STON2: variants seen among roughly 807,000 people sequenced by gnomAD.
The protein encoded by STON2 is stonin-2.
A neutral mutation model predicts 65.7 loss-of-function variants in STON2; 29 were observed. The ratio of observed to expected loss-of-function variants is 0.44; its 90% CI spans 0.33 to 0.60. The LOEUF (loss-of-function observed/expected upper bound fraction) is 0.60. Ranked by LOEUF, STON2 falls within the 20% of genes least tolerant of loss-of-function variation. The probability of loss-of-function intolerance (pLI) is 0.03; values close to 1 mark genes in which losing one functional copy is unlikely to be tolerated. For synonymous variants in STON2, 404 were observed against 414.2 expected, an observed-to-expected ratio of 0.98 and a Z score of 0.30; for missense variants, 1,054 against 1,118.1, an observed-to-expected ratio of 0.94 and a Z score of 0.82.
intron 5 of STON2, among the ~76,000 whole-genome samples, chr14:81,312,866 C>T (rs1044962047): frequency 1.3e-5 from 2 of 152,220 alleles, no homozygotes; most frequent in African/African-American, 4.8e-5. Flanking sequence ...ATTTTGGTAG[C>T]AAATTCTTTG....
At chr14:81,411,137 G>T (rs1456214290) in intron 2 of STON2, among the ~76,000 whole-genome samples, 1 of 152,154 alleles carries the variant, frequency 6.6e-6, no homozygotes, top group African/African-American at 2.4e-5. Flanking sequence ...AAATTTTGGG[G>T]TATGTTCCCT....
rs537467294 is a variant in STON2 at position 81,400,261 on chromosome 14, T to G, written c.-199+18A>C. On this transcript the variant is annotated intron_variant, in intron 1 of 7. Coordinates refer to ENST00000614646, the MANE Select transcript of STON2 (RefSeq NM_001394390.1). ...GCAAACAGCCTGGAGAGAGCAGGTCTCCCAAACCAGATCTTACCAGAGAGC... is the reference window on the plus strand; with the variant it reads ...GCAAACAGCCTGGAGAGAGCAGGTCGCCCAAACCAGATCTTACCAGAGAGC... Among the ~76,000 whole-genome samples the G allele has an allele frequency of 6.6e-6, 1 of 152,130 alleles. No homozygotes were observed. The highest frequency in any genetic ancestry group is 1.9e-4 in the East Asian group (1 of 5,172).
chr14:81,382,144 G>A (rs1317185519), intron 3 of STON2, among the ~76,000 whole-genome samples: 8 of 152,044 alleles, frequency 5.3e-5, no homozygotes, highest in African/African-American at 7.2e-5. Context: ...GCTTGAATCC[G>A]GGAGGCGGAC....
chr14:81,421,313 A>G (rs758485576), intron 2 of STON2, among the ~76,000 whole-genome samples: 3 of 152,264 alleles, frequency 2.0e-5, no homozygotes, highest in Non-Finnish European at 4.4e-5. Flanking sequence ...AAAGTAAGAC[A>G]GGAGGCTGGA....
chr14:81,405,750 T>G (rs1057291919), intron 2 of STON2, among the ~76,000 whole-genome samples: 1 of 152,174 alleles, frequency 6.6e-6, no homozygotes, highest in Non-Finnish European at 1.5e-5. Context: ...GTCTCCCCTG[T>G]AGATCTTGAC....
At chr14:81,372,961 T>A (rs3861640) in intron 3 of STON2, among the ~76,000 whole-genome samples, 1 of 152,298 alleles carries the variant, frequency 6.6e-6, no homozygotes, top group East Asian at 1.9e-4. Flanking sequence ...TTTCTGGAGT[T>A]CTCATTGTTC....
At chr14:81,410,278 C>CA (rs1161157573) in intron 2 of STON2, among the ~76,000 whole-genome samples, 1,142 of 45,784 alleles carry the variant, frequency 0.025, 187 homozygotes, top group Non-Finnish European at 0.037. Flanking sequence ...TAACTCTAAC[C>CA]AAAAAAAAAA....
chr14:81,336,016 T>C lies in STON2; in HGVS notation c.572-11829A>G, dbSNP rs556245638. On this transcript the variant is annotated intron_variant, in intron 4 of 7. Coordinates refer to ENST00000614646, the MANE Select transcript of STON2 (RefSeq NM_001394390.1). ...CTGGTAGGGGCTACTCAGGACTGAGTAGGGGTATGGCAGAAGGTCAAGCAA... is the reference window on the plus strand; with the variant it reads ...CTGGTAGGGGCTACTCAGGACTGAGCAGGGGTATGGCAGAAGGTCAAGCAA... 2.0e-5 allele frequency among the ~76,000 whole-genome samples: 3 copies of C among 151,766 alleles called. No individual in the cohort carries two copies. In the East Asian group the frequency reaches 5.8e-4, roughly 30 times the overall value.
At chr14:81,288,276 A>G (rs1327702678) in intron 5 of STON2, among the ~76,000 whole-genome samples, 1 of 152,196 alleles carries the variant, frequency 6.6e-6, no homozygotes, top group East Asian at 1.9e-4. Context: ...TGAGAAATGC[A>G]TCAACAATGG....
rs2140092921 is a variant in STON2 at position 81,267,974 on chromosome 14, CTTAA to C, written c.*436_*439del. The C allele has an allele frequency of 1.3e-5, 13 of 986,592 alleles. No individual in the cohort carries two copies. The highest frequency in any genetic ancestry group is 1.4e-5 in the Non-Finnish European group (12 of 830,788). 61.1% of individuals were successfully genotyped at this position (986,592 alleles called of 1,614,324 possible). On this transcript the variant is annotated 3_prime_UTR_variant, in exon 8 of 8. Coordinates refer to ENST00000614646, the MANE Select transcript of STON2 (RefSeq NM_001394390.1). ...CTAGACAGAGTGAAAGAGATGGATT[CTTAA>C]TTAACTTCTCAAGACTGCCTTTGCC...
chr14:81,368,227 A>C (rs925146620), intron 4 of STON2, among the ~76,000 whole-genome samples: 7 of 152,182 alleles, frequency 4.6e-5, no homozygotes, highest in African/African-American at 1.7e-4. Flanking sequence ...GTTTCACTGA[A>C]ATTCAGGTCA....
chr14:81,331,959 C>T (rs1021268427), intron 4 of STON2, among the ~76,000 whole-genome samples: 21 of 152,190 alleles, frequency 1.4e-4, no homozygotes, highest in Admixed American at 5.9e-4. Context: ...TTTTTATTCT[C>T]AAACAAAACA....
chr14:81,434,650 C>T (rs780902177), intron 1 of STON2, among the ~76,000 whole-genome samples: 20 of 152,248 alleles, frequency 1.3e-4, no homozygotes, highest in South Asian at 8.3e-4. Context: ...TTCCCACTGA[C>T]ATCACCCTAG....
At chr14:81,369,907 A>C (rs1898909418) in intron 4 of STON2, among the ~76,000 whole-genome samples, 2 of 152,200 alleles carry the variant, frequency 1.3e-5, no homozygotes, top group Non-Finnish European at 1.5e-5. Context: ...CTGTGGGGGC[A>C]TATTTCAGCC....
intron 4 of STON2, among the ~76,000 whole-genome samples, chr14:81,328,476 A>T (rs889624066): frequency 1.3e-5 from 2 of 152,166 alleles, no homozygotes; most frequent in African/African-American, 4.8e-5. Flanking sequence ...GTACGAAGAC[A>T]TCAATTTTCT....
At chr14:81,337,229 T>C (rs565653376) in intron 4 of STON2, among the ~76,000 whole-genome samples, 2 of 152,144 alleles carry the variant, frequency 1.3e-5, no homozygotes, top group East Asian at 1.9e-4. Flanking sequence ...ATGGGTAACA[T>C]GTTGGAAGTG....
At chr14:81,268,557 A>G (rs1894447496) in intron 7 of STON2, 60 bp from the exon 8 acceptor site, 1 of 1,285,916 alleles carries the variant, frequency 7.8e-7, no homozygotes, top group East Asian at 5.5e-5. Context: ...ATGCAAATAA[A>G]TAAGTAAACC....
chr14:81,398,556 G>A lies in STON2; in HGVS notation c.-174C>T, dbSNP rs773864477. ...TGTAGACAGATCAGCCTCTCTTGCC[G>A]TTGGTTAATCTGCCAGGCAGAAATC... On this transcript the variant is annotated 5_prime_UTR_variant, in exon 2 of 8. The change creates a new upstream start codon in the 5' untranslated region. Coordinates refer to ENST00000614646, the MANE Select transcript of STON2 (RefSeq NM_001394390.1). The A allele has an allele frequency of 2.1e-5, 10 of 470,556 alleles. No individual in the cohort carries two copies. The highest frequency in any genetic ancestry group is 4.0e-5 in the African/African-American group (2 of 50,148). 29.1% of individuals were successfully genotyped at this position (470,556 alleles called of 1,614,324 possible). A position where few individuals can be genotyped will look rare whatever the true frequency, so the allele number is the denominator to read the frequency against.
At chr14:81,299,510 T>C (rs1477367077) in intron 5 of STON2, among the ~76,000 whole-genome samples, 3 of 152,190 alleles carry the variant, frequency 2.0e-5, no homozygotes, top group Non-Finnish European at 2.9e-5. Context: ...GAATAAAAAG[T>C]AAAAGAAAGA....
Sources: gnomAD v4.1 joint callset for allele counts (sites outside exome capture counted in the v4.1 genomes callset) on GRCh38, gnomAD v4.1.1 for gene constraint, MANE v1.5 for transcripts, NCBI Gene and HGNC (gene_info 2026-07-23, HGNC 2026-07-21) for gene names.